The following IL21R variants were observed in gnomAD, a reference collection of about 807,000 sequenced individuals.
IL21R encodes interleukin 21 receptor.
IL21R carries 14 observed loss-of-function variants against 41.3 expected under a neutral mutation model. That is an observed-to-expected ratio of 0.34 (90% confidence interval 0.22 to 0.53). The LOEUF (loss-of-function observed/expected upper bound fraction) is 0.53. Ranked by LOEUF, IL21R falls within the 20% of genes least tolerant of loss-of-function variation. The pLI is 0.94. For synonymous variants in IL21R, 286 were observed against 287.6 expected, an observed-to-expected ratio of 0.99 and a Z score of 0.05; for missense variants, 588 against 681.6, an observed-to-expected ratio of 0.86 and a Z score of 1.53.
chr16:27,436,886 A>C (rs745583138), intron 3 of IL21R, among the ~76,000 whole-genome samples: 5 of 152,192 alleles, frequency 3.3e-5, no homozygotes, highest in Non-Finnish European at 7.3e-5. Flanking sequence ...CAGCCTAAGC[A>C]ACATGGTGGG....
At chr16:27,433,105 C>T (rs371190208) in intron 2 of IL21R, among the ~76,000 whole-genome samples, 13 of 152,172 alleles carry the variant, frequency 8.5e-5, no homozygotes, top group African/African-American at 2.4e-4. Context: ...AATCTACCAC[C>T]ACCACCTCAG....
At chr16:27,435,823 C>T (rs570474087) in intron 3 of IL21R, among the ~76,000 whole-genome samples, 48 of 152,098 alleles carry the variant, frequency 3.2e-4, no homozygotes, top group Admixed American at 5.9e-4. Context: ...GGCTGGAGTG[C>T]GGTGGCATGA....
At chr16:27,416,803 A>G (rs1327421018) in intron 1 of IL21R, among the ~76,000 whole-genome samples, 1 of 152,182 alleles carries the variant, frequency 6.6e-6, no homozygotes, top group Admixed American at 6.5e-5. Context: ...GCTCCTGGCA[A>G]CCACTAACCT....
intron 3 of IL21R, among the ~76,000 whole-genome samples, chr16:27,436,117 T>C (rs1249977514): frequency 1.3e-5 from 2 of 152,048 alleles, no homozygotes; most frequent in Non-Finnish European, 2.9e-5. Flanking sequence ...AAGACCACTC[T>C]CTCGCCCACA....
chr16:27,406,046 CCT>C (rs572862568), intron 1 of IL21R, among the ~76,000 whole-genome samples: 303 of 152,388 alleles, frequency 2.0e-3, no homozygotes, highest in Non-Finnish European at 3.1e-3. Context: ...AGGCCCTGGG[CCT>C]CTCTGGGCCT....
intron 1 of IL21R, among the ~76,000 whole-genome samples, chr16:27,409,515 C>A (rs933301674): frequency 1.1e-4 from 16 of 152,004 alleles, no homozygotes; most frequent in Non-Finnish European, 1.9e-4. Flanking sequence ...ACATTTAGGT[C>A]TACAGTCTAT....
Position 27,404,492 on chromosome 16 carries a change from G to A in IL21R, c.-17+1874G>A, listed in dbSNP as rs189654801. Among the ~76,000 whole-genome samples the A allele has an allele frequency of 1.3e-3, 200 of 152,276 alleles. 1 individual carries two copies. Among genetic ancestry groups the A allele is most frequent in the African/African-American group, 4.6e-3 (192 of 41,536 alleles). On this transcript the variant is annotated intron_variant, in intron 1 of 8. Transcript: ENST00000337929. Reference sequence around the variant, plus strand: ...GAGAAAGCCAGCCACCAGAAGTTCTGGGAGGAACCCACCTCTTTGTAGCAT... The same window carrying A: ...GAGAAAGCCAGCCACCAGAAGTTCTAGGAGGAACCCACCTCTTTGTAGCAT...
Position 27,451,507 on chromosome 16 carries a change from G to C in IL21R, c.*2224G>C. On this transcript the variant is annotated 3_prime_UTR_variant, in exon 9 of 9. Coordinates refer to ENST00000337929, the MANE Select transcript of IL21R (RefSeq NM_181078.3). ...GTGGATCACTTGAGGCCAGGAGTTC[G>C]AGACCAGCCTGGGCAACATAGCAAG... 4.8e-6 allele frequency: 1 copy of C among 210,476 alleles called. No homozygotes were observed. The highest frequency in any genetic ancestry group is 9.6e-6 in the Non-Finnish European group (1 of 103,642). The allele number at this position is 210,476 out of a possible 1,614,324, so 13.0% of individuals were successfully genotyped here. A position where few individuals can be genotyped will look rare whatever the true frequency, so the allele number is the denominator to read the frequency against.
At chr16:27,413,674 T>C (rs1261786482) in intron 1 of IL21R, among the ~76,000 whole-genome samples, 1 of 151,674 alleles carries the variant, frequency 6.6e-6, no homozygotes, top group African/African-American at 2.4e-5. Context: ...TCAGTATGGG[T>C]AGGTTGTATA....
At chr16:27,406,889 A>G (rs2086757091) in intron 1 of IL21R, among the ~76,000 whole-genome samples, 1 of 152,164 alleles carries the variant, frequency 6.6e-6, no homozygotes, top group Non-Finnish European at 1.5e-5. Context: ...ACCCAGGGCC[A>G]CTGGGCTAGT....
chr16:27,418,616 C>T (rs754818074), intron 1 of IL21R, among the ~76,000 whole-genome samples: 11 of 152,130 alleles, frequency 7.2e-5, no homozygotes, highest in Non-Finnish European at 1.2e-4. Context: ...GTGATCTGCC[C>T]GCCTTGGCCT....
rs60418304 is a variant in IL21R at position 27,440,222 on chromosome 16, A to AATATATAT, written c.352+2555_352+2562dup. Among the ~76,000 whole-genome samples the AATATATAT allele has an allele frequency of 6.0e-3, 454 of 75,808 alleles. 5 individuals are homozygous for AATATATAT. The highest frequency in any genetic ancestry group is 7.3e-3 in the Non-Finnish European group (316 of 43,126). The allele number at this position is 75,808 out of a possible 152,430, so 49.7% of individuals were successfully genotyped here. A position where few individuals can be genotyped will look rare whatever the true frequency, so the allele number is the denominator to read the frequency against. ...GCAAGGTTCATTAGTTAATCTGACA[A>AATATATAT]ATATATATATATATATATATATATA... On this transcript the variant is annotated intron_variant, in intron 4 of 8. Coordinates refer to ENST00000337929, the MANE Select transcript of IL21R (RefSeq NM_181078.3).
chr16:27,410,020 T>A (rs1446764792), intron 1 of IL21R, among the ~76,000 whole-genome samples: 1 of 152,208 alleles, frequency 6.6e-6, no homozygotes, highest in Non-Finnish European at 1.5e-5. Context: ...CTTAGTAATG[T>A]CTTGTAGGTT....
chr16:27,418,042 T>TTTA (rs1239786932), intron 1 of IL21R, among the ~76,000 whole-genome samples: 1 of 126,998 alleles, frequency 7.9e-6, no homozygotes, highest in African/African-American at 2.7e-5. Context: ...TTTATTTTAT[T>TTTA]TTATTTTATT....
At chr16:27,410,364 A>G (rs1596565595) in intron 1 of IL21R, among the ~76,000 whole-genome samples, 1 of 151,972 alleles carries the variant, frequency 6.6e-6, no homozygotes, top group East Asian at 1.9e-4. Context: ...TACATCTTTC[A>G]TTAGATTTCT....
chr16:27,436,054 C>T (rs2087263694), intron 3 of IL21R, among the ~76,000 whole-genome samples: 1 of 152,196 alleles, frequency 6.6e-6, no homozygotes. Context: ...ACTCAGGGCT[C>T]ACAGGACTTG....
Position 27,443,107 on chromosome 16 carries a change from C to A in IL21R, c.498C>A (p.Pro166=). ...TGCAGTACAGGAACCGGGGAGACCC[C>A]TGGGCTGTGGTGAGGAATGTGGGGA... ...YELQYRNRGD[P]WAVSPRRKLI... is the part of the protein sequence containing the mutation. The change falls in exon 5 of 9, where the codon CCC becomes CCA. Residue 166 remains proline, a synonymous_variant. Coordinates refer to ENST00000337929, the MANE Select transcript of IL21R (RefSeq NM_181078.3). 1 of 1,611,008 alleles carries A rather than the reference C, an allele frequency of 6.2e-7. No individual in the cohort carries two copies. The highest frequency in any genetic ancestry group is 1.1e-5 in the South Asian group (1 of 90,526).
intron 1 of IL21R, among the ~76,000 whole-genome samples, chr16:27,418,722 T>G: frequency 6.6e-6 from 1 of 152,200 alleles, no homozygotes; most frequent in East Asian, 1.9e-4. Flanking sequence ...TGAATAACAC[T>G]TTTGTAATAA....
intron 1 of IL21R, among the ~76,000 whole-genome samples, chr16:27,403,729 T>C (rs1356402975): frequency 6.6e-6 from 1 of 152,132 alleles, no homozygotes; most frequent in Non-Finnish European, 1.5e-5. Context: ...TGAGAAGCTT[T>C]GAGCCCATGG....
Sources: allele counts gnomAD v4.1 joint callset (sites outside exome capture counted in the v4.1 genomes callset), GRCh38; gene constraint gnomAD v4.1.1; transcripts MANE v1.5; gene names NCBI Gene and HGNC (gene_info 2026-07-23, HGNC 2026-07-21).